The following C14orf132 variants were observed in gnomAD, a reference collection of about 807,000 sequenced individuals.
C14orf132 encodes chromosome 14 open reading frame 132, also known as uncharacterized protein C14orf132.
A neutral mutation model predicts 5.8 loss-of-function variants in C14orf132; 6 were observed. The observed-to-expected ratio is 1.03, with a 90% CI of 0.57 to 2.04. The LOEUF (loss-of-function observed/expected upper bound fraction) is 2.04, where lower values mean the gene tolerates loss of function less well. Among genes scored for constraint, C14orf132 ranks in the 30% most tolerant of loss-of-function variants. The pLI is 0.00. For synonymous variants in C14orf132, 51 were observed against 49.8 expected (o/e 1.02, Z -0.10); for missense variants, 125 against 115.8 (o/e 1.08, Z -0.37).
chr14:96,068,206 G>A (rs78158590), intron 1 of C14orf132, among the ~76,000 whole-genome samples: 2,522 of 152,330 alleles, frequency 0.017, 93 homozygotes, highest in African/African-American at 0.058. Context: ...AGCTCCCTGT[G>A]TGTTGGAAAG....
intron 1 of C14orf132, among the ~76,000 whole-genome samples, chr14:96,047,882 C>T (rs1259569823): frequency 3.3e-5 from 5 of 152,132 alleles, no homozygotes; most frequent in Non-Finnish European, 5.9e-5. Flanking sequence ...TAACCTACGT[C>T]GACACATCAG....
chr14:96,058,998 A>C (rs1887266480), intron 1 of C14orf132, among the ~76,000 whole-genome samples: 1 of 152,234 alleles, frequency 6.6e-6, no homozygotes, highest in African/African-American at 2.4e-5. Context: ...GCAGTGGCTC[A>C]TGCCTATAAT....
At chr14:96,061,906 CT>C (rs1887368816) in intron 1 of C14orf132, among the ~76,000 whole-genome samples, 1 of 152,152 alleles carries the variant, frequency 6.6e-6, no homozygotes. Flanking sequence ...AAGACCCTCT[CT>C]CTAAAAATAA....
intron 1 of C14orf132, among the ~76,000 whole-genome samples, chr14:96,076,819 A>G (rs1887882086): frequency 6.6e-6 from 1 of 152,218 alleles, no homozygotes; most frequent in South Asian, 2.1e-4. Flanking sequence ...CTTTAGTTGC[A>G]TCAATGCGTG....
intron 1 of C14orf132, among the ~76,000 whole-genome samples, chr14:96,051,801 T>C (rs1887034558): frequency 6.6e-6 from 1 of 152,178 alleles, no homozygotes; most frequent in South Asian, 2.1e-4. Flanking sequence ...GCAGGCTGTG[T>C]TGGGGAATGT....
At chr14:96,046,624 G>A (rs181511458) in intron 1 of C14orf132, among the ~76,000 whole-genome samples, 22 of 152,230 alleles carry the variant, frequency 1.4e-4, no homozygotes, top group African/African-American at 3.6e-4. Context: ...CTGTCTCTTG[G>A]AATCTGGCCC....
chr14:96,073,606 G>GT (rs1034842089), intron 1 of C14orf132, among the ~76,000 whole-genome samples: 3 of 152,142 alleles, frequency 2.0e-5, no homozygotes, highest in African/African-American at 4.8e-5. Context: ...TAGCTCAACC[G>GT]TTTTGGAAGA....
chr14:96,090,979 A>T lies in C14orf132; in HGVS notation c.*4244A>T. On this transcript the variant is annotated 3_prime_UTR_variant, in exon 2 of 2. Transcript: ENST00000555004. ...TTATTCTTACCGGTGCCAGTTTTGC[A>T]CATCTTTTTGTTGCTCTATTTGTGT... 1 of 456,166 alleles carries T rather than the reference A, an allele frequency of 2.2e-6. No individual in the cohort carries two copies. Among genetic ancestry groups the T allele is most frequent in the Non-Finnish European group, 4.4e-6 (1 of 226,814 alleles). The allele number at this position is 456,166 out of a possible 1,614,324, so 28.3% of individuals were successfully genotyped here. A position where few individuals can be genotyped will look rare whatever the true frequency, so the allele number is the denominator to read the frequency against.
rs1406893216 is a variant in C14orf132, at chr14:96,092,963, GC to G, written c.*6232del. 6.6e-6 allele frequency: 1 copy of G among 152,266 alleles called. No individual in the cohort carries two copies. The highest frequency in any genetic ancestry group is 1.5e-5 in the Non-Finnish European group (1 of 68,080). The allele number at this position is 152,266 out of a possible 1,614,324, so 9.4% of individuals were successfully genotyped here. ...GCCCCCCACAAATAAGAATTATCCA[GC>G]CCCAAAATGCCAATAGTGCCGAGGT... On this transcript the variant is annotated 3_prime_UTR_variant, in exon 2 of 2. Transcript: ENST00000555004.
rs1188492080 is a variant in C14orf132 at position 96,093,548 on chromosome 14, C to T, written c.*6813C>T. ...AACCTTACTATTATAACTTGCTACTCTCCAGATACCAATTCTTCATGCCGA... is the reference window on the plus strand; with the variant it reads ...AACCTTACTATTATAACTTGCTACTTTCCAGATACCAATTCTTCATGCCGA... On this transcript the variant is annotated 3_prime_UTR_variant, in exon 2 of 2. Transcript: ENST00000555004. 6.6e-6 allele frequency: 1 copy of T among 152,220 alleles called. No homozygotes were observed. Among genetic ancestry groups the T allele is most frequent in the East Asian group, 1.9e-4 (1 of 5,202 alleles). The allele number at this position is 152,220 out of a possible 1,614,324, so 9.4% of individuals were successfully genotyped here. A position where few individuals can be genotyped will look rare whatever the true frequency, so the allele number is the denominator to read the frequency against.
At chr14:96,085,127 A>C (rs1888141824) in intron 1 of C14orf132, among the ~76,000 whole-genome samples, 2 of 152,050 alleles carry the variant, frequency 1.3e-5, no homozygotes. Flanking sequence ...CTGCTTATCC[A>C]CCTGTAAAAT....
intron 1 of C14orf132, among the ~76,000 whole-genome samples, chr14:96,070,699 C>G (rs149644043): frequency 6.6e-6 from 1 of 152,132 alleles, no homozygotes; most frequent in African/African-American, 2.4e-5. Flanking sequence ...TTAACCCTTT[C>G]TAGAGGCAGT....
chr14:96,055,459 C>A (rs901097923), intron 1 of C14orf132, among the ~76,000 whole-genome samples: 1 of 152,134 alleles, frequency 6.6e-6, no homozygotes, highest in Admixed American at 6.5e-5. Context: ...ACTATCAAAT[C>A]CTCTATTCAA....
chr14:96,040,266 T>A (rs1354938239), intron 1 of C14orf132: 1 of 397,540 alleles, frequency 2.5e-6, no homozygotes, highest in East Asian at 3.6e-5. Flanking sequence ...CTTAACTCTC[T>A]TGAGCCAGAA....
chr14:96,078,860 A>G (rs1405866715), intron 1 of C14orf132, among the ~76,000 whole-genome samples: 2 of 152,206 alleles, frequency 1.3e-5, no homozygotes, highest in Non-Finnish European at 2.9e-5. Context: ...CTGATTTGTA[A>G]GAGTCCACAA....
rs1033930671 is a variant in C14orf132 at position 96,039,762 on chromosome 14, G to T, written c.27+235G>T. On this transcript the variant is annotated intron_variant, in intron 1 of 1. Transcript: ENST00000555004. The surrounding 1 kb of genome is among the most constrained non-coding windows in gnomAD (Gnocchi z 5.3). ...CACCCCCGCGGCTCGAGCTGTTCCC[G>T]CCCGGGCCCCTCTCGTTGGCAGGAA... is the stretch of plus-strand genomic sequence containing the variant. Among the ~76,000 whole-genome samples the T allele has an allele frequency of 6.6e-6, 1 of 152,082 alleles. No homozygotes were observed. Among genetic ancestry groups the T allele is most frequent in the South Asian group, 2.1e-4 (1 of 4,832 alleles).
rs561764531 is a variant in C14orf132 at position 96,093,711 on chromosome 14, A to G, written c.*6976A>G. The G allele has an allele frequency of 2.0e-5, 3 of 152,230 alleles. No homozygotes were observed. Among genetic ancestry groups the G allele is most frequent in the Non-Finnish European group, 4.4e-5 (3 of 68,042 alleles). 9.4% of individuals were successfully genotyped at this position (152,230 alleles called of 1,614,324 possible). On this transcript the variant is annotated 3_prime_UTR_variant, in exon 2 of 2. Coordinates refer to ENST00000555004, the MANE Select transcript of C14orf132 (RefSeq NM_001252507.3). Reference sequence around the variant, plus strand: ...AAGCACCTGGTTTCACCATGCGATCACTGACTTCTCTACAGTGAAGACTCT... The same window carrying G: ...AAGCACCTGGTTTCACCATGCGATCGCTGACTTCTCTACAGTGAAGACTCT...
chr14:96,051,926 C>G (rs1266976292), intron 1 of C14orf132, among the ~76,000 whole-genome samples: 1 of 152,234 alleles, frequency 6.6e-6, no homozygotes, highest in Non-Finnish European at 1.5e-5. Flanking sequence ...ACCTGTGAGG[C>G]AGGAGCCCCG....
At chr14:96,069,363 T>G (rs1250864238) in intron 1 of C14orf132, among the ~76,000 whole-genome samples, 2 of 149,978 alleles carry the variant, frequency 1.3e-5, no homozygotes, top group Admixed American at 1.3e-4. Flanking sequence ...GTAGAGACTA[T>G]TGATTTCTAT....
Sources: gnomAD v4.1 joint callset for allele counts (sites outside exome capture counted in the v4.1 genomes callset) on GRCh38, gnomAD v4.1.1 for gene constraint, Gnocchi (gnomAD v3.1) non-coding constraint, MANE v1.5 for transcripts, NCBI Gene and HGNC (gene_info 2026-07-23, HGNC 2026-07-21) for gene names.